The following MLLT3 variants were observed in gnomAD, a reference collection of about 807,000 sequenced individuals.
MLLT3 encodes protein AF-9.
A neutral mutation model predicts 53.2 loss-of-function variants in MLLT3; 4 were observed. The observed-to-expected ratio is 0.08, with a 90% CI of 0.04 to 0.17. The LOEUF is 0.17. Ranked by LOEUF, MLLT3 falls within the 10% of genes least tolerant of loss-of-function variation. The pLI is 1.00. For missense variants in MLLT3, 569 were observed against 684.0 expected (o/e 0.83, Z 1.87); for synonymous variants, 283 against 230.6 (o/e 1.23, Z -2.06).
intron 2 of MLLT3, among the ~76,000 whole-genome samples, chr9:20,478,662 C>T (rs1401802277): frequency 1.3e-5 from 2 of 152,102 alleles, no homozygotes; most frequent in Admixed American, 6.6e-5. Flanking sequence ...AGCACAGGAC[C>T]GTGAATAAGA....
chr9:20,400,254 A>C (rs1469914578), intron 5 of MLLT3, among the ~76,000 whole-genome samples: 1 of 152,166 alleles, frequency 6.6e-6, no homozygotes, highest in Non-Finnish European at 1.5e-5. Context: ...TTCTATGACA[A>C]CCAAGTTTTT....
At chr9:20,421,460 C>T (rs1054479795) in intron 4 of MLLT3, among the ~76,000 whole-genome samples, 1 of 151,964 alleles carries the variant, frequency 6.6e-6, no homozygotes, top group Non-Finnish European at 1.5e-5. Context: ...CAAAGCTAAA[C>T]TTAGTATTCA....
intron 4 of MLLT3, among the ~76,000 whole-genome samples, chr9:20,430,706 T>C (rs1300975444): frequency 6.6e-6 from 1 of 152,136 alleles, no homozygotes; most frequent in Non-Finnish European, 1.5e-5. Flanking sequence ...TAGGAGAATA[T>C]ACTAAATGGG....
At chr9:20,489,889 G>A (rs1317467001) in intron 2 of MLLT3, among the ~76,000 whole-genome samples, 1 of 152,120 alleles carries the variant, frequency 6.6e-6, no homozygotes, top group Non-Finnish European at 1.5e-5. Flanking sequence ...TCAAACTCCT[G>A]TAATACTTTT....
At chr9:20,604,767 A>G (rs1820521300) in intron 2 of MLLT3, among the ~76,000 whole-genome samples, 1 of 152,152 alleles carries the variant, frequency 6.6e-6, no homozygotes, top group Non-Finnish European at 1.5e-5. Flanking sequence ...TAGTAACCAG[A>G]TCGTTTCTAT....
At chr9:20,512,512 T>C (rs771494765) in intron 2 of MLLT3, among the ~76,000 whole-genome samples, 1 of 152,240 alleles carries the variant, frequency 6.6e-6, no homozygotes, top group Non-Finnish European at 1.5e-5. Flanking sequence ...CTGATTCTGA[T>C]AATGGCTATT....
At chr9:20,481,411 C>G (rs977403675) in intron 2 of MLLT3, among the ~76,000 whole-genome samples, 8 of 152,190 alleles carry the variant, frequency 5.3e-5, no homozygotes, top group African/African-American at 1.9e-4. Flanking sequence ...GGGATGGCCT[C>G]AAGTTCTACA....
At chr9:20,483,244 T>TTA (rs1824712521) in intron 2 of MLLT3, among the ~76,000 whole-genome samples, 2 of 26,732 alleles carry the variant, frequency 7.5e-5, no homozygotes, top group Admixed American at 5.8e-4. Flanking sequence ...TATTATTATT[T>TTA]TTTTTTTTGA....
At chr9:20,486,200 C>A (rs2118913787) in intron 2 of MLLT3, among the ~76,000 whole-genome samples, 1 of 152,158 alleles carries the variant, frequency 6.6e-6, no homozygotes, top group African/African-American at 2.4e-5. Flanking sequence ...AAACATATAA[C>A]CAGAAATAAG....
intron 2 of MLLT3, among the ~76,000 whole-genome samples, chr9:20,513,659 G>A (rs1028405327): frequency 6.6e-5 from 10 of 152,268 alleles, no homozygotes; most frequent in Middle Eastern, 6.8e-3. Flanking sequence ...TGCAGGGTAC[G>A]GGGGGTCAGT....
chr9:20,495,027 G>A (rs1338841580), intron 2 of MLLT3, among the ~76,000 whole-genome samples: 2 of 152,090 alleles, frequency 1.3e-5, no homozygotes, highest in East Asian at 3.8e-4. Context: ...TACATTTACA[G>A]CTAGCTGAAT....
At chr9:20,551,340 A>T (rs1587059936) in intron 2 of MLLT3, among the ~76,000 whole-genome samples, 1 of 152,346 alleles carries the variant, frequency 6.6e-6, no homozygotes, top group East Asian at 1.9e-4. Flanking sequence ...CATTCCACAA[A>T]GCAAAGATCA....
intron 2 of MLLT3, among the ~76,000 whole-genome samples, chr9:20,536,263 G>C (rs1382148084): frequency 6.6e-6 from 1 of 152,202 alleles, no homozygotes; most frequent in Non-Finnish European, 1.5e-5. Context: ...AAATGGCTTT[G>C]TGGTATTTAT....
chr9:20,422,764 C>A (rs1164150610), intron 4 of MLLT3, among the ~76,000 whole-genome samples: 1 of 152,094 alleles, frequency 6.6e-6, no homozygotes, highest in Non-Finnish European at 1.5e-5. Flanking sequence ...AGAAACCCAC[C>A]TGAAAACTTT....
At chr9:20,506,627 C>A (rs1032669483) in intron 2 of MLLT3, among the ~76,000 whole-genome samples, 7 of 152,156 alleles carry the variant, frequency 4.6e-5, no homozygotes, top group African/African-American at 1.4e-4. Flanking sequence ...TTCAAATTTA[C>A]ATTTATGAAA....
At chr9:20,458,671 C>T (rs1824033975) in intron 2 of MLLT3, among the ~76,000 whole-genome samples, 1 of 152,062 alleles carries the variant, frequency 6.6e-6, no homozygotes, top group African/African-American at 2.4e-5. Flanking sequence ...TGAGGAGGGC[C>T]CCCACCAGAA....
chr9:20,473,242 C>T (rs976511188), intron 2 of MLLT3, among the ~76,000 whole-genome samples: 3 of 152,016 alleles, frequency 2.0e-5, no homozygotes, highest in Non-Finnish European at 4.4e-5. Flanking sequence ...GCTATTTTTT[C>T]GTCCACCAAA....
chr9:20,398,893 A>G (rs975442692), intron 5 of MLLT3, among the ~76,000 whole-genome samples: 8 of 152,090 alleles, frequency 5.3e-5, no homozygotes, highest in Admixed American at 6.6e-5. Flanking sequence ...CGGTGAAATC[A>G]GCTAAAAAAC....
intron 5 of MLLT3, among the ~76,000 whole-genome samples, chr9:20,411,597 G>A (rs182190877): frequency 1.1e-3 from 164 of 152,246 alleles, no homozygotes; most frequent in African/African-American, 3.6e-3. Context: ...GTAATCATTG[G>A]ATTTGTGGCT....
Sources: gnomAD v4.1 joint callset for allele counts (sites outside exome capture counted in the v4.1 genomes callset) on GRCh38, gnomAD v4.1.1 for gene constraint, MANE v1.5 for transcripts, NCBI Gene and HGNC (gene_info 2026-07-23, HGNC 2026-07-21) for gene names.